The following LRP2 variants were observed in gnomAD, a reference collection of about 807,000 sequenced individuals.
LRP2 encodes LDL receptor related protein 2, also known as low-density lipoprotein receptor-related protein 2.
In LRP2, 172 loss-of-function variants were observed where a neutral mutation model predicts 531.0. The observed-to-expected ratio is 0.32, with a 90% CI of 0.29 to 0.37. The LOEUF is 0.37. Ranked by LOEUF, LRP2 falls within the 10% of genes least tolerant of loss-of-function variation. LRP2 has a pLI of 1.00. For synonymous variants in LRP2, 1,992 were observed against 2,027.6 expected, an observed-to-expected ratio of 0.98 and a Z score of 0.47; for missense variants, 5,167 against 5,868.3, an observed-to-expected ratio of 0.88 and a Z score of 3.90.
intron 1 of LRP2, among the ~76,000 whole-genome samples, chr2:169,360,317 TA>T (rs1405147710): frequency 3.9e-5 from 6 of 152,166 alleles, no homozygotes; most frequent in Non-Finnish European, 8.8e-5. Context: ...TAAGAGTACT[TA>T]CTTCCAAGGG....
chr2:169,146,001 G>C, intron 69 of LRP2, 78 bp from the exon 70 acceptor site: 6 of 1,254,220 alleles, frequency 4.8e-6, no homozygotes, highest in Non-Finnish European at 6.9e-6. Context: ...GCCACTTCTA[G>C]ATCTGATGTC....
At chr2:169,269,729 G>A (rs1217168415) in intron 16 of LRP2, among the ~76,000 whole-genome samples, 1 of 152,098 alleles carries the variant, frequency 6.6e-6, no homozygotes, top group Non-Finnish European at 1.5e-5. Flanking sequence ...CAAAAGCAAT[G>A]GCAACAAAAG....
chr2:169,220,270 C>A (rs1688940913), intron 34 of LRP2, among the ~76,000 whole-genome samples, 184 bp downstream of exon 34: 1 of 152,194 alleles, frequency 6.6e-6, no homozygotes, highest in Non-Finnish European at 1.5e-5. Context: ...AAAATACAAA[C>A]AATATCCTGC....
At position 169,138,959 on chromosome 2, in the gene LRP2, C is replaced by T. The variant is rs183347943; in HGVS notation, c.13389-253G>A. On this transcript the variant is annotated intron_variant, in intron 74 of 78. Coordinates refer to ENST00000649046, the MANE Select transcript of LRP2 (RefSeq NM_004525.3). ...GAGTCCAGCACATAGAAGGATAAAG[C>T]CTGGGCCATCACACAGCTGCCTTTT... Among the ~76,000 whole-genome samples, 7 of 152,246 alleles carry T rather than the reference C, an allele frequency of 4.6e-5. No individual in the cohort carries two copies. In the East Asian group the frequency reaches 1.2e-3, roughly 25 times the overall value.
In LRP2 at chr2:169,175,175, T is replaced by A. The variant is rs756607901; in HGVS notation, c.10768+18A>T. 1.9e-6 allele frequency: 3 copies of A among 1,613,328 alleles called. No individual in the cohort carries two copies. The South Asian group carries it at 3.3e-5, about 18-fold the overall frequency. Reference sequence around the variant, plus strand: ...AACATAGAAGTCGGAAAAAGAGGCATAAAGCGACTCAACACACCACAAAGA... The same window carrying A: ...AACATAGAAGTCGGAAAAAGAGGCAAAAAGCGACTCAACACACCACAAAGA... On this transcript the variant is annotated intron_variant, in intron 55 of 78. Coordinates refer to ENST00000649046, the MANE Select transcript of LRP2 (RefSeq NM_004525.3).
intron 60 of LRP2, 80 bp downstream of exon 60, chr2:169,169,622 A>G: frequency 9.6e-7 from 1 of 1,047,010 alleles, no homozygotes; most frequent in Non-Finnish European, 1.5e-6. Flanking sequence ...TTAATCTAAG[A>G]AGCGGCAGCG....
chr2:169,245,071 C>T (rs1191046676), intron 21 of LRP2, 139 bp from the exon 22 acceptor site: 2 of 915,446 alleles, frequency 2.2e-6, no homozygotes, highest in Non-Finnish European at 3.5e-6. Flanking sequence ...CAAGTGATGT[C>T]ATCATCACTA....
At chr2:169,213,395 C>A (rs1350560057) in intron 36 of LRP2, among the ~76,000 whole-genome samples, 1 of 152,098 alleles carries the variant, frequency 6.6e-6, no homozygotes, top group Non-Finnish European at 1.5e-5. Context: ...GAAGTAAAAG[C>A]AAAGTAAGGA....
At chr2:169,321,880 A>AAT (rs1229936172) in intron 1 of LRP2, among the ~76,000 whole-genome samples, 1 of 152,192 alleles carries the variant, frequency 6.6e-6, no homozygotes, top group Non-Finnish European at 1.5e-5. Context: ...TCACTGAACT[A>AAT]ATATATCCTG....
At chr2:169,182,492 G>C in intron 50 of LRP2, 173 bp from the exon 51 acceptor site, 1 of 1,505,770 alleles carries the variant, frequency 6.6e-7, no homozygotes, top group Non-Finnish European at 8.8e-7. Flanking sequence ...CCTGCAGTGA[G>C]GCAACAGAGG....
chr2:169,327,201 C>G (rs1468540144), intron 1 of LRP2, among the ~76,000 whole-genome samples: 1 of 129,928 alleles, frequency 7.7e-6, no homozygotes, highest in Non-Finnish European at 1.6e-5. Context: ...CAGCCCCCCG[C>G]CTGGCCAGCC....
chr2:169,243,289 T>A, intron 23 of LRP2, 114 bp downstream of exon 23: 1 of 1,293,242 alleles, frequency 7.7e-7, no homozygotes, highest in Non-Finnish European at 1.1e-6. Context: ...CTTCTCTAGC[T>A]CCCCACCCCC....
chr2:169,336,026 A>C (rs534267619), intron 1 of LRP2, among the ~76,000 whole-genome samples: 2 of 152,172 alleles, frequency 1.3e-5, no homozygotes, highest in Non-Finnish European at 2.9e-5. Flanking sequence ...AAAAAAAAAA[A>C]AAAACAAGCA....
At chr2:169,182,083 A>G in intron 51 of LRP2, 84 bp downstream of exon 51, 1 of 1,558,766 alleles carries the variant, frequency 6.4e-7, no homozygotes, top group Non-Finnish European at 8.8e-7. Context: ...ATTGGCCTTG[A>G]GATAGTTACA....
rs1689638755 is a variant in LRP2 at position 169,237,208 on chromosome 2, G to A, written c.4586C>T (p.Ala1529Val). ...VGRNLYWTDY[A>V]LETIEVSKID... ...TTTGGAGACTTCAATTGTTTCCAGA[G>A]CATAGTCTGTCCAGTAAAGATTACG... is the stretch of plus-strand genomic sequence containing the variant. The change falls in exon 28 of 79, where the codon GCT (alanine) becomes GTT (valine). Residue 1529 changes from alanine (A) to valine (V), a missense_variant. Physicochemically the swap from Ala to Val is moderately conservative, Grantham distance 64. Coordinates refer to ENST00000649046, the MANE Select transcript of LRP2 (RefSeq NM_004525.3). 1.2e-6 allele frequency: 2 copies of A among 1,613,520 alleles called. No individual in the cohort carries two copies. Among genetic ancestry groups the A allele is most frequent in the Non-Finnish European group, 1.7e-6 (2 of 1,179,494 alleles).
rs1331701051 is a variant in LRP2, at chr2:169,146,928, G to A, written c.12622C>T (p.Pro4208Ser). ...LMFWTDWGKE[P>S]KIESAWMNGE... ...TTCATCCAGGCAGACTCGATTTTAG[G>A]TTCCTTTCCCCAGTCAGTCCAGAAC... The change falls in exon 69 of 79, where the codon CCT becomes TCT. Residue 4208 changes from proline to serine, a missense_variant. Around this residue, in one of 6 missense-constraint regions of LRP2, gnomAD observed 564 missense variants for 747.7 expected, o/e 0.75. Transcript: ENST00000649046. The A allele has an allele frequency of 6.2e-7, 1 of 1,613,716 alleles. No individual in the cohort carries two copies. Among genetic ancestry groups the A allele is most frequent in the Non-Finnish European group, 8.5e-7 (1 of 1,179,824 alleles).
intron 37 of LRP2, among the ~76,000 whole-genome samples, chr2:169,210,300 A>T (rs546395907): frequency 4.6e-5 from 7 of 152,242 alleles, no homozygotes; most frequent in Admixed American, 2.0e-4. Flanking sequence ...TTCCACCAAA[A>T]TTAAGAAGGA....
intron 30 of LRP2, among the ~76,000 whole-genome samples, chr2:169,232,319 G>C (rs1406822811): frequency 6.6e-6 from 1 of 151,906 alleles, no homozygotes; most frequent in African/African-American, 2.4e-5. Flanking sequence ...ATATCTCTGT[G>C]TGTCTCTGCA....
At chr2:169,129,907 A>C (rs1260592088) in intron 77 of LRP2, among the ~76,000 whole-genome samples, 2 of 152,208 alleles carry the variant, frequency 1.3e-5, no homozygotes, top group Non-Finnish European at 2.9e-5. Context: ...TACTCTCAAC[A>C]GGAGCTGAGG....
Sources: gnomAD v4.1 joint callset for allele counts (sites outside exome capture counted in the v4.1 genomes callset) on GRCh38, gnomAD v4.1.1 for gene constraint, gnomAD v4.1.1 regional missense constraint, MANE v1.5 for transcripts, NCBI Gene and HGNC (gene_info 2026-07-23, HGNC 2026-07-21) for gene names.